The following MYO3B variants were observed in gnomAD, a reference collection of about 807,000 sequenced individuals.
MYO3B encodes the protein myosin-IIIb.
MYO3B carries 156 observed loss-of-function variants against 174.6 expected under a neutral mutation model. The observed-to-expected ratio is 0.89, with a 90% CI of 0.78 to 1.02. The LOEUF (loss-of-function observed/expected upper bound fraction) is 1.02. MYO3B is among the 50% of genes least tolerant of loss of function. The pLI is 0.00. For missense variants in MYO3B, 1,632 were observed against 1,639.4 expected (o/e 1.00, Z 0.08); for synonymous variants, 563 against 569.1 (o/e 0.99, Z 0.15).
At chr2:170,384,200 A>G (rs567749047) in intron 12 of MYO3B, among the ~76,000 whole-genome samples, 3 of 152,298 alleles carry the variant, frequency 2.0e-5, no homozygotes, top group South Asian at 4.1e-4. Flanking sequence ...TAGAATTTTC[A>G]TGATTCAGTC....
At chr2:170,465,200 G>A (rs1684545216) in intron 24 of MYO3B, among the ~76,000 whole-genome samples, 1 of 152,046 alleles carries the variant, frequency 6.6e-6, no homozygotes, top group African/African-American at 2.4e-5. Context: ...AAAGAAAAGA[G>A]GTTTATTGGC....
In MYO3B at chr2:170,369,291, A is replaced by G; in HGVS notation, c.885A>G (p.Gly295=). The G allele has an allele frequency of 6.2e-7, 1 of 1,613,870 alleles. No homozygotes were observed. The highest frequency in any genetic ancestry group is 8.5e-7 in the Non-Finnish European group (1 of 1,179,812). The change falls in exon 9 of 35, where the codon GGA becomes GGG. Residue 295 remains glycine (G), a synonymous_variant. Transcript: ENST00000408978. The part of the protein sequence containing the change: ...THLLDHPFIK[G]VHGKVLFLQK... ...TCCTTGACCACCCATTTATTAAAGG[A>G]GTACATGGAAAAGTTCTGTTTCTGC...
At chr2:170,213,967 T>C (rs1206562993) in intron 3 of MYO3B, among the ~76,000 whole-genome samples, 1 of 152,202 alleles carries the variant, frequency 6.6e-6, no homozygotes, top group Non-Finnish European at 1.5e-5. Flanking sequence ...CGGTTTTTCC[T>C]TATCCTCAAA....
chr2:170,644,276 C>T (rs1397646874), intron 32 of MYO3B, among the ~76,000 whole-genome samples: 4 of 151,620 alleles, frequency 2.6e-5, no homozygotes, highest in African/African-American at 9.7e-5. Context: ...ATCTATCTAA[C>T]TGTGTGTCTT....
rs1406098577 is a variant in MYO3B, at chr2:170,498,641, G to A, written c.3064G>A (p.Glu1022Lys). ...ACATCAAACACCTCTTGCTAGCAAA[G>A]AGAGCTGTGTGGCTATCTTGGAAAA... is the stretch of plus-strand genomic sequence containing the variant. ...TAHQTPLASK[E>K]SCVAILEKSR... Residue 1022 changes from glutamate (E) to lysine (K), a missense_variant, in exon 26 of 35, where the codon GAG (glutamate) becomes AAG (lysine). Transcript: ENST00000408978. The A allele has an allele frequency of 3.1e-6, 5 of 1,614,016 alleles. No homozygotes were observed. Among genetic ancestry groups the A allele is most frequent in the Non-Finnish European group, 4.2e-6 (5 of 1,179,994 alleles).
At chr2:170,196,986 C>G (rs1574560392) in intron 1 of MYO3B, among the ~76,000 whole-genome samples, 1 of 151,964 alleles carries the variant, frequency 6.6e-6, no homozygotes, top group African/African-American at 2.4e-5. Flanking sequence ...TATTTTTGAA[C>G]CTAGGATCGG....
chr2:170,474,302 G>A (rs772790521), intron 25 of MYO3B, among the ~76,000 whole-genome samples: 1 of 152,104 alleles, frequency 6.6e-6, no homozygotes, highest in African/African-American at 2.4e-5. Flanking sequence ...TGGATCACAT[G>A]CCCACCCTTG....
intron 9 of MYO3B, among the ~76,000 whole-genome samples, chr2:170,375,753 C>T (rs1230068661): frequency 6.7e-6 from 1 of 150,348 alleles, no homozygotes; most frequent in African/African-American, 2.4e-5. Context: ...ACAGAGCACC[C>T]CATATTATAT....
intron 8 of MYO3B, among the ~76,000 whole-genome samples, chr2:170,351,516 T>G (rs1459442067): frequency 6.6e-6 from 1 of 151,964 alleles, no homozygotes; most frequent in Non-Finnish European, 1.5e-5. Flanking sequence ...ATATGCCCAA[T>G]AAGACCATGG....
intron 28 of MYO3B, among the ~76,000 whole-genome samples, chr2:170,508,766 A>G (rs551309411): frequency 1.6e-3 from 241 of 152,346 alleles, no homozygotes; most frequent in African/African-American, 5.7e-3. Context: ...AGAGTCAAAC[A>G]ATGAATGTTA....
At chr2:170,241,226 C>G (rs1337528816) in intron 7 of MYO3B, among the ~76,000 whole-genome samples, 1 of 151,906 alleles carries the variant, frequency 6.6e-6, no homozygotes, top group Non-Finnish European at 1.5e-5. Context: ...CTCATGAAAG[C>G]AGTATTTTCA....
intron 9 of MYO3B, among the ~76,000 whole-genome samples, chr2:170,372,176 C>G (rs1228693015): frequency 6.9e-6 from 1 of 145,192 alleles, no homozygotes; most frequent in African/African-American, 2.6e-5. Context: ...ATCTATTGCT[C>G]TGCCAGGTTT....
At chr2:170,246,568 G>A (rs999791540) in intron 7 of MYO3B, among the ~76,000 whole-genome samples, 6 of 109,740 alleles carry the variant, frequency 5.5e-5, no homozygotes, top group Non-Finnish European at 8.0e-5. Context: ...ACACACACAC[G>A]AACATCATAT....
intron 23 of MYO3B, among the ~76,000 whole-genome samples, chr2:170,446,609 T>C (rs2094844291): frequency 1.3e-5 from 2 of 152,114 alleles, no homozygotes; most frequent in South Asian, 4.1e-4. Context: ...TGAAGTGCAG[T>C]AATAGCAATA....
At chr2:170,218,091 T>C (rs2092850536) in intron 6 of MYO3B, among the ~76,000 whole-genome samples, 1 of 152,206 alleles carries the variant, frequency 6.6e-6, no homozygotes, top group African/African-American at 2.4e-5. Context: ...AGGACTCAGA[T>C]GGTCACCTCC....
chr2:170,476,299 G>A (rs1054660041), intron 25 of MYO3B, among the ~76,000 whole-genome samples: 2 of 120,406 alleles, frequency 1.7e-5, no homozygotes, highest in African/African-American at 3.1e-5. Flanking sequence ...TTTGCTGTCC[G>A]CAGATGGCTT....
chr2:170,421,540 C>A (rs1370873064), intron 22 of MYO3B, among the ~76,000 whole-genome samples: 1 of 152,158 alleles, frequency 6.6e-6, no homozygotes, highest in Non-Finnish European at 1.5e-5. Context: ...CTCCAGCCAC[C>A]CTGACTGGAC....
intron 7 of MYO3B, among the ~76,000 whole-genome samples, chr2:170,301,945 C>T (rs570685712): frequency 8.4e-5 from 12 of 143,308 alleles, no homozygotes; most frequent in South Asian, 2.2e-4. Flanking sequence ...ATAATTAGAG[C>T]CAGCAGCAGG....
intron 7 of MYO3B, among the ~76,000 whole-genome samples, chr2:170,286,147 C>T (rs1275250136): frequency 1.3e-5 from 2 of 152,162 alleles, no homozygotes; most frequent in Admixed American, 6.5e-5. Flanking sequence ...TTTTAATAAG[C>T]CACATCATGA....
Sources: gnomAD v4.1 joint callset for allele counts (sites outside exome capture counted in the v4.1 genomes callset) on GRCh38, gnomAD v4.1.1 for gene constraint, MANE v1.5 for transcripts, NCBI Gene and HGNC (gene_info 2026-07-23, HGNC 2026-07-21) for gene names.